The following TRIM50 variants were observed in gnomAD, a reference collection of about 807,000 sequenced individuals.
The protein encoded by TRIM50 is tripartite motif containing 50, also known as E3 ubiquitin-protein ligase TRIM50.
TRIM50 carries 34 observed loss-of-function variants against 44.9 expected under a neutral mutation model. The observed-to-expected ratio is 0.76, with a 90% CI of 0.58 to 1.01. The LOEUF is 1.01. Ranked by LOEUF, TRIM50 falls within the 50% of genes least tolerant of loss-of-function variation. The pLI, the probability that TRIM50 is intolerant of heterozygous loss-of-function variation, is 0.00. For missense variants in TRIM50, 633 were observed against 663.7 expected (o/e 0.95, Z 0.51); for synonymous variants, 307 against 291.1 (o/e 1.05, Z -0.56).
At position 73,312,799 on chromosome 7, in the gene TRIM50, C is replaced by A. The variant is rs1167634588; in HGVS notation, c.*122G>T. On this transcript the variant is annotated 3_prime_UTR_variant, in exon 7 of 7. Transcript: ENST00000333149. ...CCTATCATTACATGTTCCAGGGACACACAGGCCTGAAGACCTTCCTAAACA... is the reference window on the plus strand; with the variant it reads ...CCTATCATTACATGTTCCAGGGACAAACAGGCCTGAAGACCTTCCTAAACA... 8.2e-6 allele frequency: 6 copies of A among 733,218 alleles called. No homozygotes were observed. Among genetic ancestry groups the A allele is most frequent in the African/African-American group, 1.8e-5 (1 of 55,848 alleles). 45.4% of individuals were successfully genotyped at this position (733,218 alleles called of 1,614,324 possible).
rs370785473 is a variant in TRIM50, at chr7:73,313,360, C to G, written c.1025G>C (p.Arg342Pro). ...FDYSTCVLAS[R>P]GFSCGRHYWE... ...GTAGTGGCGGCCGCAGGAGAAGCCG[C>G]GGCTGGCCAGGACGCAGGTGCTGTA... The change falls in exon 7 of 7, where the codon CGC (arginine) becomes CCC (proline). Residue 342 changes from arginine to proline, a missense_variant. By Grantham distance (103) the Arg-to-Pro change is moderately radical. Transcript: ENST00000333149. The surrounding 1 kb of genome is among the most constrained non-coding windows in gnomAD (Gnocchi z 4.9). 6.3e-7 allele frequency: 1 copy of G among 1,599,038 alleles called. No homozygotes were observed. Among genetic ancestry groups the G allele is most frequent in the South Asian group, 1.1e-5 (1 of 88,900 alleles).
intron 6 of TRIM50, among the ~76,000 whole-genome samples, chr7:73,316,304 C>G (rs1804356398): frequency 6.6e-6 from 1 of 152,186 alleles, no homozygotes; most frequent in Admixed American, 6.5e-5. Context: ...TGCAGCCTGG[C>G]CGGGTGGGTG....
At chr7:73,323,531 T>A (rs1804541927) in intron 2 of TRIM50, among the ~76,000 whole-genome samples, 1 of 152,214 alleles carries the variant, frequency 6.6e-6, no homozygotes, top group Non-Finnish European at 1.5e-5. Flanking sequence ...AACAGGTGTT[T>A]TATATATATA....
Position 73,313,959 on chromosome 7 carries a change from C to G in TRIM50, c.875-449G>C. 1 of 232,778 alleles carries G rather than the reference C, an allele frequency of 4.3e-6. No individual in the cohort carries two copies. The allele number at this position is 232,778 out of a possible 1,614,324, so 14.4% of individuals were successfully genotyped here. ...ATTTCTGGAGAACCCATAACAACTG[C>G]AGCTGTTGGATTTGCTAGCCTAGTC... On this transcript the variant is annotated intron_variant, in intron 6 of 6. Transcript: ENST00000333149. The surrounding 1 kb of genome is among the most constrained non-coding windows in gnomAD (Gnocchi z 4.9).
At position 73,320,214 on chromosome 7, in the gene TRIM50, A is replaced by T. The variant is rs782641124; in HGVS notation, c.428T>A (p.Leu143Gln). Residue 143 changes from leucine (L) to glutamine (Q), a missense_variant, in exon 3 of 7, where the codon CTG becomes CAG. Leu to Gln is a moderately radical substitution (Grantham distance 113). Transcript: ENST00000333149. The part of the protein sequence containing the change: ...KEELAALISE[L>Q]KQEQKKVDEL... ...ATCCACCTTTTTCTGCTCCTGCTTC[A>T]GCTCAGAGATGAGGGCTGCGAGCTC... The T allele has an allele frequency of 6.2e-7, 1 of 1,614,010 alleles. No individual in the cohort carries two copies. The highest frequency in any genetic ancestry group is 8.5e-7 in the Non-Finnish European group (1 of 1,179,882).
intron 6 of TRIM50, chr7:73,314,574 C>T: frequency 7.0e-6 from 2 of 287,058 alleles, no homozygotes; most frequent in South Asian, 3.1e-5. Flanking sequence ...CTGGGCCAGG[C>T]ACAGTGGCTC....
chr7:73,324,330 G>C (rs1804562487), intron 2 of TRIM50, 59 bp downstream of exon 2: 1 of 1,611,736 alleles, frequency 6.2e-7, no homozygotes, highest in Non-Finnish European at 8.5e-7. Flanking sequence ...TGGCACCAGA[G>C]AGCACAGGAT....
At chr7:73,314,606 TG>T in intron 6 of TRIM50, 1 of 258,872 alleles carries the variant, frequency 3.9e-6, no homozygotes, top group East Asian at 1.3e-4. Flanking sequence ...CTCAGCACTT[TG>T]GGAGGCTGAG....
In TRIM50 at chr7:73,327,918, A is replaced by G; in HGVS notation, c.-37T>C. 2 of 459,286 alleles carry G rather than the reference A, an allele frequency of 4.4e-6. No individual in the cohort carries two copies. Among genetic ancestry groups the G allele is most frequent in the Middle Eastern group, 6.2e-4 (1 of 1,616 alleles). 28.5% of individuals were successfully genotyped at this position (459,286 alleles called of 1,614,324 possible). On this transcript the variant is annotated 5_prime_UTR_variant, in exon 1 of 7. Transcript: ENST00000333149. The stretch of plus-strand genomic sequence containing the variant: ...TACGTACCCAGCCTCCGGCCCCTGT[A>G]AGTGCCCCATCGTGCTCTCTGTCGC...
At chr7:73,314,440 G>A (rs369175727) in intron 6 of TRIM50, 67 of 433,022 alleles carry the variant, frequency 1.5e-4, no homozygotes, top group African/African-American at 1.3e-3. Context: ...AGAAGAAGCA[G>A]AGACTGTTGG....
In TRIM50 at chr7:73,318,887, G is replaced by A. The variant is rs782666379; in HGVS notation, c.661C>T (p.Arg221Trp). Residue 221 changes from arginine to tryptophan, a missense_variant, in exon 4 of 7, where the codon CGG (arginine) becomes TGG (tryptophan). Transcript: ENST00000333149. ...AGCACACACTCGGCTTGGGCCAGCC[G>A]CTCCCGGGTTCCCTGGGCCTGCTCC... is the stretch of plus-strand genomic sequence containing the variant. ...QLEQAQGTRERLAQAECVLEQ... is the reference protein window; with the variant it reads ...QLEQAQGTREWLAQAECVLEQ... The A allele has an allele frequency of 1.1e-5, 18 of 1,613,960 alleles. No homozygotes were observed. Among genetic ancestry groups the A allele is most frequent in the African/African-American group, 1.3e-5 (1 of 75,046 alleles).
At chr7:73,324,936 AC>A (rs1554545785) in intron 1 of TRIM50, 131 bp from the exon 2 acceptor site, 1 of 1,447,354 alleles carries the variant, frequency 6.9e-7, no homozygotes, top group African/African-American at 1.4e-5. Context: ...CCCAGTCCTA[AC>A]CCACATGACC....
rs1442978984 is a variant in TRIM50 at position 73,313,315 on chromosome 7, C to A, written c.1070G>T (p.Ser357Ile). 6.2e-7 allele frequency: 1 copy of A among 1,605,954 alleles called. No homozygotes were observed. The highest frequency in any genetic ancestry group is 1.3e-5 in the African/African-American group (1 of 74,918). The change falls in exon 7 of 7, where the codon AGC becomes ATC. Residue 357 changes from serine (S) to isoleucine (I), a missense_variant. By Grantham distance (142) the Ser-to-Ile change is moderately radical. Coordinates refer to ENST00000333149, the MANE Select transcript of TRIM50 (RefSeq NM_178125.3). This position sits in a 1 kb window ranked among gnomAD's most constrained non-coding sequence, Gnocchi z 4.9. ...GACCCCCAGGCGCCAGTCGCTCTTG[C>A]TGCCCACCACCACCTCCCAGTAGTG... ...GRHYWEVVVG[S>I]KSDWRLGVIK...
At position 73,313,495 on chromosome 7, in the gene TRIM50, T is replaced by C. The variant is rs1248404787; in HGVS notation, c.890A>G (p.Lys297Arg). Residue 297 changes from lysine to arginine, a missense_variant, in exon 7 of 7, where the codon AAG becomes AGG. Coordinates refer to ENST00000333149, the MANE Select transcript of TRIM50 (RefSeq NM_178125.3). This position sits in a 1 kb window ranked among gnomAD's most constrained non-coding sequence, Gnocchi z 4.9. The stretch of plus-strand genomic sequence containing the variant: ...TGGGTGGGCAGTGGCAGGGTCCAAC[T>C]TGAGAGGCTCCGGGGCTGGGAGGGA... The part of the protein sequence containing the change: ...RKVLPAPEPL[K>R]LDPATAHPLL... 1.7e-5 allele frequency: 26 copies of C among 1,515,472 alleles called. No homozygotes were observed. In the East Asian group the frequency reaches 5.2e-4, roughly 30 times the overall value. The allele number at this position is 1,515,472 out of a possible 1,614,324, so 93.9% of individuals were successfully genotyped here.
chr7:73,314,993 T>C, intron 6 of TRIM50: 1 of 349,284 alleles, frequency 2.9e-6, no homozygotes, highest in Non-Finnish European at 5.5e-6. Context: ...CTGGGATGTC[T>C]AGTCCCCAGG....
At position 73,312,819 on chromosome 7, in the gene TRIM50, TA is replaced by T; in HGVS notation, c.*101del. 1.1e-6 allele frequency: 1 copy of T among 936,260 alleles called. No individual in the cohort carries two copies. The highest frequency in any genetic ancestry group is 1.6e-6 in the Non-Finnish European group (1 of 643,688). 58.0% of individuals were successfully genotyped at this position (936,260 alleles called of 1,614,324 possible). On this transcript the variant is annotated 3_prime_UTR_variant, in exon 7 of 7. Transcript: ENST00000333149. ...GGACACACAGGCCTGAAGACCTTCC[TA>T]AACAGTGACGATATCACCTCAGGCG...
At chr7:73,317,943 G>A (rs559640956) in intron 5 of TRIM50, among the ~76,000 whole-genome samples, 6 of 152,194 alleles carry the variant, frequency 3.9e-5, no homozygotes, top group South Asian at 2.1e-4. Context: ...TCCCAGCTCC[G>A]ACTCCTGGTG....
chr7:73,324,066 G>T (rs543102956), intron 2 of TRIM50, among the ~76,000 whole-genome samples: 86 of 151,626 alleles, frequency 5.7e-4, no homozygotes, highest in Non-Finnish European at 1.1e-3. Flanking sequence ...AAAGAAAGGA[G>T]AGAGGGAGAG....
rs376965946 is a variant in TRIM50 at position 73,313,007 on chromosome 7, C to A, written c.1378G>T (p.Glu460Ter). The part of the protein sequence containing the change: ...LYPILDTCWH[E>*]RGSNSLPMVL... ...ATGGGCAGCGAGTTGCTGCCCCTCT[C>A]GTGCCAGCAGGTGTCCAGGATGGGG... is the stretch of plus-strand genomic sequence containing the variant. Residue 460 changes from glutamate (E) to a stop codon, truncating the protein, a stop_gained, in exon 7 of 7, where the codon GAG (glutamate) becomes TAG (stop). Coordinates refer to ENST00000333149, the MANE Select transcript of TRIM50 (RefSeq NM_178125.3). LOFTEE classifies it high-confidence loss of function. This position sits in a 1 kb window ranked among gnomAD's most constrained non-coding sequence, Gnocchi z 4.9. The A allele has an allele frequency of 3.9e-6, 6 of 1,555,426 alleles. No individual in the cohort carries two copies. Among genetic ancestry groups the A allele is most frequent in the Admixed American group, 2.0e-5 (1 of 51,274 alleles).
Sources: gnomAD v4.1 joint callset for allele counts (sites outside exome capture counted in the v4.1 genomes callset) on GRCh38, gnomAD v4.1.1 for gene constraint, Gnocchi (gnomAD v3.1) non-coding constraint, MANE v1.5 for transcripts, NCBI Gene and HGNC (gene_info 2026-07-23, HGNC 2026-07-21) for gene names.